Variants in RCHY1 observed in about 807,000 individuals in gnomAD.
The protein encoded by RCHY1 is RING finger and CHY zinc finger domain-containing protein 1.
A neutral mutation model predicts 41.6 loss-of-function variants in RCHY1; 21 were observed. That is an observed-to-expected ratio of 0.51 (90% CI 0.36 to 0.73). The LOEUF is 0.73. RCHY1 is among the 30% of genes least tolerant of loss of function. The pLI is 0.00. For missense variants in RCHY1, 265 were observed against 325.3 expected (o/e 0.81, Z 1.43); for synonymous variants, 79 against 102.9 (o/e 0.77, Z 1.41).
chr4:75,492,912 T>A (rs1722878936), intron 4 of RCHY1, among the ~76,000 whole-genome samples: 1 of 151,982 alleles, frequency 6.6e-6, no homozygotes, highest in African/African-American at 2.4e-5. Context: ...AATACATATT[T>A]CATTTGATTC....
At chr4:75,497,816 C>G (rs1416114078) in intron 3 of RCHY1, among the ~76,000 whole-genome samples, 4 of 151,142 alleles carry the variant, frequency 2.6e-5, no homozygotes, top group African/African-American at 4.9e-5. Flanking sequence ...TAAGCACAAG[C>G]AACATGAAGA....
At chr4:75,484,267 A>G (rs1721797920) in intron 8 of RCHY1, among the ~76,000 whole-genome samples, 1 of 152,138 alleles carries the variant, frequency 6.6e-6, no homozygotes, top group Non-Finnish European at 1.5e-5. Flanking sequence ...GAATCATGGT[A>G]AGTTCTCAGA....
chr4:75,485,085 G>A (rs1282348362), intron 8 of RCHY1, among the ~76,000 whole-genome samples: 1 of 152,198 alleles, frequency 6.6e-6, no homozygotes, highest in East Asian at 1.9e-4. Context: ...AAGGCTAAAA[G>A]AAAGCTAGCC....
rs760044137 is a variant in RCHY1, at chr4:75,491,723, C to CAAA, written c.509_509+1insTTT (p.Arg170delinsSerLeu). The CAAA allele has an allele frequency of 6.2e-6, 10 of 1,611,632 alleles. No individual in the cohort carries two copies. The highest frequency in any genetic ancestry group is 7.6e-6 in the Non-Finnish European group (9 of 1,178,388). Reference sequence around the variant, plus strand: ...TCATTGAGAAAAAGATGTTACTTTACCTATGTAAAAGATGTCCACATGGCA... The same window carrying CAAA: ...TCATTGAGAAAAAGATGTTACTTTACAAACTATGTAAAAGATGTCCACATGGCA... On this transcript the variant is annotated protein_altering_variant and splice_region_variant. Transcript: ENST00000324439.
intron 3 of RCHY1, among the ~76,000 whole-genome samples, chr4:75,497,749 T>C (rs1440822669): frequency 2.0e-5 from 3 of 151,620 alleles, no homozygotes; most frequent in East Asian, 3.9e-4. Context: ...GCCAAAACTT[T>C]CCTGAAATTA....
At chr4:75,511,723 T>C (rs1045938688) in intron 1 of RCHY1, among the ~76,000 whole-genome samples, 1 of 151,880 alleles carries the variant, frequency 6.6e-6, no homozygotes, top group Non-Finnish European at 1.5e-5. Flanking sequence ...AGGTGTAGTA[T>C]AGTTCAGTGC....
intron 8 of RCHY1, among the ~76,000 whole-genome samples, chr4:75,487,539 AATATATATATTCATAATATATTCATAAT>A (rs1560512419): frequency 7.9e-5 from 9 of 113,460 alleles, no homozygotes; most frequent in African/African-American, 3.2e-4. Context: ...ATATATTCAT[AATATATATATTCATAATATATTCATAAT>A]ATATATATTC....
chr4:75,507,632 T>C (rs1484980606), intron 3 of RCHY1, among the ~76,000 whole-genome samples: 1 of 151,922 alleles, frequency 6.6e-6, no homozygotes, highest in Non-Finnish European at 1.5e-5. Context: ...TATACAAAAA[T>C]GTCTAAATGG....
At chr4:75,489,368 CTA>C (rs1722542527) in intron 8 of RCHY1, among the ~76,000 whole-genome samples, 1 of 152,140 alleles carries the variant, frequency 6.6e-6, no homozygotes, top group Non-Finnish European at 1.5e-5. Context: ...AGGGTTAACT[CTA>C]TTACAGTACC....
rs1437775871 is a variant in RCHY1, at chr4:75,479,255, A to G, written c.*3283T>C. On this transcript the variant is annotated 3_prime_UTR_variant, in exon 9 of 9. Coordinates refer to ENST00000324439, the MANE Select transcript of RCHY1 (RefSeq NM_015436.4). ...TGTACTCCATATATATAATATACAC[A>G]ATTATCAATTAAATTTTAATAACAC... The G allele has an allele frequency of 6.8e-6, 1 of 147,710 alleles. No homozygotes were observed. The highest frequency in any genetic ancestry group is 2.6e-5 in the African/African-American group (1 of 39,142). 9.1% of individuals were successfully genotyped at this position (147,710 alleles called of 1,614,324 possible). A position where few individuals can be genotyped will look rare whatever the true frequency, so the allele number is the denominator to read the frequency against.
At chr4:75,503,656 C>T (rs1382431227) in intron 3 of RCHY1, among the ~76,000 whole-genome samples, 3 of 151,742 alleles carry the variant, frequency 2.0e-5, no homozygotes, top group Non-Finnish European at 4.4e-5. Context: ...CACGCCACTG[C>T]ACTCCAGCCT....
In RCHY1 at chr4:75,482,666, T is replaced by C. The variant is rs757398616; in HGVS notation, c.658A>G (p.Ile220Val). 6.3e-7 allele frequency: 1 copy of C among 1,597,062 alleles called. No individual in the cohort carries two copies. Among genetic ancestry groups the C allele is most frequent in the Non-Finnish European group, 8.5e-7 (1 of 1,169,940 alleles). Residue 220 changes from isoleucine (I) to valine (V), a missense_variant and splice_region_variant, in exon 9 of 9, where the codon ATT becomes GTT. Coordinates refer to ENST00000324439, the MANE Select transcript of RCHY1 (RefSeq NM_015436.4). ...CGTCCATTACAGTCATTGCAGAGAATCTGAAAAGAGATTAATTCAAATTAA... is the reference window on the plus strand; with the variant it reads ...CGTCCATTACAGTCATTGCAGAGAACCTGAAAAGAGATTAATTCAAATTAA... ...PSEYQNMTVD[I>V]LCNDCNGRST...
chr4:75,514,355 G>A lies in RCHY1; in HGVS notation c.-69C>T. On this transcript the variant is annotated 5_prime_UTR_variant, in exon 1 of 9. Coordinates refer to ENST00000324439, the MANE Select transcript of RCHY1 (RefSeq NM_015436.4). ...TAAAAACCACGCCCAGAGAAGCTGC[G>A]CCTCTCTAGCACACCCCTCCCAGCC... The A allele has an allele frequency of 1.3e-6, 2 of 1,535,048 alleles. No homozygotes were observed. Among genetic ancestry groups the A allele is most frequent in the Middle Eastern group, 4.5e-4 (2 of 4,438 alleles).
chr4:75,499,508 T>C (rs1284468022), intron 3 of RCHY1, among the ~76,000 whole-genome samples: 13 of 152,178 alleles, frequency 8.5e-5, no homozygotes. Flanking sequence ...AGCTGAAATA[T>C]GGAAGCAACC....
At chr4:75,483,604 T>G (rs1205392636) in intron 8 of RCHY1, among the ~76,000 whole-genome samples, 1 of 152,196 alleles carries the variant, frequency 6.6e-6, no homozygotes, top group Admixed American at 6.5e-5. Flanking sequence ...TGTATCTTAA[T>G]GAAGCCATTA....
At chr4:75,490,767 A>T in intron 7 of RCHY1, 66 bp from the exon 8 acceptor site, 2 of 1,299,226 alleles carry the variant, frequency 1.5e-6, no homozygotes, top group South Asian at 2.8e-5. Context: ...GGTATACAAG[A>T]AGATGCAGGC....
intron 4 of RCHY1, among the ~76,000 whole-genome samples, chr4:75,492,696 ACATAACAAAAAAAAC>A (rs1722857239): frequency 6.6e-6 from 1 of 152,054 alleles, no homozygotes; most frequent in East Asian, 1.9e-4. Flanking sequence ...CTGAAAAACA[ACATAACAAAAAAAAC>A]CATAACAAAA....
intron 8 of RCHY1, 79 bp from the exon 9 acceptor site, chr4:75,482,745 A>G: frequency 1.0e-6 from 1 of 964,550 alleles, no homozygotes; most frequent in Non-Finnish European, 1.4e-6. Context: ...ATCCCTTGAA[A>G]ATCATATTAA....
At chr4:75,500,140 C>CA (rs1723617097) in intron 3 of RCHY1, among the ~76,000 whole-genome samples, 6 of 152,070 alleles carry the variant, frequency 3.9e-5, no homozygotes, top group Admixed American at 3.9e-4. Flanking sequence ...GACCCTTTCT[C>CA]AAAAAACAAT....
Sources: allele counts gnomAD v4.1 joint callset (sites outside exome capture counted in the v4.1 genomes callset), GRCh38; gene constraint gnomAD v4.1.1; transcripts MANE v1.5; gene names NCBI Gene and HGNC (gene_info 2026-07-23, HGNC 2026-07-21).